LIMK1: variants seen among roughly 807,000 people sequenced by gnomAD.
The protein encoded by LIMK1 is LIM motif-containing protein kinase.
A neutral mutation model predicts 77.6 loss-of-function variants in LIMK1; 21 were observed. The observed-to-expected ratio is 0.27, with a 90% CI of 0.19 to 0.39. The LOEUF (loss-of-function observed/expected upper bound fraction) is 0.39, where lower values mean the gene tolerates loss of function less well. Among genes scored for constraint, LIMK1 ranks in the 10% least tolerant of loss-of-function variants. The pLI is 1.00. For synonymous variants in LIMK1, 358 were observed against 370.0 expected, an observed-to-expected ratio of 0.97 and a Z score of 0.37; for missense variants, 696 against 901.6, an observed-to-expected ratio of 0.77 and a Z score of 2.92.
chr7:74,102,509 A>T (rs1322798120), intron 5 of LIMK1, among the ~76,000 whole-genome samples: 1 of 10,244 alleles, frequency 9.8e-5, no homozygotes. Flanking sequence ...TTTTGGAGAC[A>T]GGGTATCACT....
chr7:74,120,531 AT>A, intron 13 of LIMK1, 51 bp from the exon 14 acceptor site: 1 of 1,603,010 alleles, frequency 6.2e-7, no homozygotes, highest in South Asian at 1.1e-5. Flanking sequence ...GCCTTTTGGC[AT>A]CCCTGGCACC....
intron 5 of LIMK1, among the ~76,000 whole-genome samples, chr7:74,102,484 C>CTTTTTTTTTGTTTTTTTTTTTTTTTT (rs1799482861): frequency 1.9e-5 from 1 of 54,042 alleles, no homozygotes; most frequent in Non-Finnish European, 3.5e-5. Context: ...AGGACCTTCT[C>CTTTTTTTTTGTTTTTTTTTTTTTTTT]TTTTTTTTTT....
At chr7:74,106,854 A>T (rs1799584470) in intron 7 of LIMK1, among the ~76,000 whole-genome samples, 156 bp from the exon 8 acceptor site, 1 of 152,238 alleles carries the variant, frequency 6.6e-6, no homozygotes, top group Non-Finnish European at 1.5e-5. Flanking sequence ...TGGGATGGGC[A>T]GCCTTTGGAC....
intron 2 of LIMK1, among the ~76,000 whole-genome samples, chr7:74,094,710 C>A (rs1465375053): frequency 6.6e-6 from 1 of 152,104 alleles, no homozygotes; most frequent in Admixed American, 6.5e-5. Context: ...GTAGACCACC[C>A]CCCTCACCAA....
chr7:74,101,285 A>G (rs1321013697), intron 5 of LIMK1, among the ~76,000 whole-genome samples: 3 of 152,224 alleles, frequency 2.0e-5, no homozygotes, highest in Non-Finnish European at 4.4e-5. Context: ...CAGAGGGCCA[A>G]GGGAGGTCCC....
chr7:74,105,016 C>G (rs1382575546), intron 5 of LIMK1, among the ~76,000 whole-genome samples: 1 of 152,146 alleles, frequency 6.6e-6, no homozygotes, highest in African/African-American at 2.4e-5. Context: ...AGTGCAGTGG[C>G]AGAATCTTGA....
chr7:74,094,736 C>T (rs1554695306), intron 2 of LIMK1, among the ~76,000 whole-genome samples: 3 of 152,102 alleles, frequency 2.0e-5, no homozygotes, highest in African/African-American at 7.2e-5. Flanking sequence ...GTCCTCCGCC[C>T]CACCCCCGCG....
At position 74,101,089 on chromosome 7, in the gene LIMK1, C is replaced by T. The variant is rs935567096; in HGVS notation, c.608+1851C>T. ...CAGTGAATGTTTCTTGTACACCTGG[C>T]AGGTGCCTGGCACTGCATAGGCACT... On this transcript the variant is annotated intron_variant, in intron 5 of 15. Coordinates refer to ENST00000336180, the MANE Select transcript of LIMK1 (RefSeq NM_002314.4). Among the ~76,000 whole-genome samples, 16 of 152,218 alleles carry T rather than the reference C, an allele frequency of 1.1e-4. 1 individual carries two copies. Among genetic ancestry groups the T allele is most frequent in the Middle Eastern group, 6.3e-3 (2 of 316 alleles).
chr7:74,088,098 C>A (rs1184615018), intron 2 of LIMK1, among the ~76,000 whole-genome samples: 3 of 152,126 alleles, frequency 2.0e-5, no homozygotes, highest in Admixed American at 2.0e-4. Context: ...TTAGGAATAA[C>A]GTCTAACGTT....
chr7:74,089,907 T>G (rs1554694553), intron 2 of LIMK1, among the ~76,000 whole-genome samples: 1 of 151,786 alleles, frequency 6.6e-6, no homozygotes, highest in African/African-American at 2.4e-5. Context: ...CCTTGGGTGA[T>G]GGAGAGAGGG....
Position 74,112,010 on chromosome 7 carries a change from G to A in LIMK1, c.1410+12G>A, listed in dbSNP as rs782442079. The stretch of plus-strand genomic sequence containing the variant: ...GCCTGGTCCGCGAGGTGAGTACCAG[G>A]GCCCCACGTGGCTGGGTGTCAGGAG... On this transcript the variant is annotated intron_variant, in intron 12 of 15. Transcript: ENST00000336180. 2.5e-6 allele frequency: 4 copies of A among 1,590,708 alleles called. 1 individual carries two copies. In the South Asian group the frequency reaches 4.5e-5, roughly 18 times the overall value.
At chr7:74,104,790 C>T (rs1799534389) in intron 5 of LIMK1, among the ~76,000 whole-genome samples, 1 of 152,162 alleles carries the variant, frequency 6.6e-6, no homozygotes, top group Non-Finnish European at 1.5e-5. Flanking sequence ...GGCAAGCTGC[C>T]AGCTCCCTCC....
At chr7:74,092,257 C>G (rs149555715) in intron 2 of LIMK1, among the ~76,000 whole-genome samples, 1 of 152,288 alleles carries the variant, frequency 6.6e-6, no homozygotes, top group East Asian at 1.9e-4. Flanking sequence ...TGAGCCACTG[C>G]GCACAGGCAG....
intron 2 of LIMK1, among the ~76,000 whole-genome samples, chr7:74,086,540 G>T (rs1220005193): frequency 6.6e-6 from 1 of 151,940 alleles, no homozygotes. Flanking sequence ...TTTAAATTTT[G>T]TGTAAAGACA....
At chr7:74,089,032 A>T (rs1390105983) in intron 2 of LIMK1, among the ~76,000 whole-genome samples, 2 of 152,150 alleles carry the variant, frequency 1.3e-5, no homozygotes, top group Non-Finnish European at 2.9e-5. Flanking sequence ...TATTTGTCAT[A>T]TTGGCTACCA....
intron 2 of LIMK1, among the ~76,000 whole-genome samples, chr7:74,088,834 C>T (rs1019311927): frequency 2.0e-5 from 3 of 148,562 alleles, no homozygotes; most frequent in Non-Finnish European, 4.5e-5. Context: ...AGAAGGGAGT[C>T]GGCAGAAAGC....
Position 74,096,641 on chromosome 7 carries a change from T to TCC in LIMK1, c.174_175dup (p.Leu59ProfsTer45). The TCC allele has an allele frequency of 6.2e-7, 1 of 1,614,020 alleles. No homozygotes were observed. The highest frequency in any genetic ancestry group is 2.2e-5 in the East Asian group (1 of 44,856). On this transcript the variant is annotated frameshift_variant, in exon 3 of 16. Coordinates refer to ENST00000336180, the MANE Select transcript of LIMK1 (RefSeq NM_002314.4). LOFTEE classifies it high-confidence loss of function. ...CTGCAGGTGTTGTGACTGCAGTGCC[T>TCC]CCCTGTCGCACCAGTACTATGAGAA...
chr7:74,088,685 C>T (rs1799181716), intron 2 of LIMK1, among the ~76,000 whole-genome samples: 1 of 151,220 alleles, frequency 6.6e-6, no homozygotes, highest in South Asian at 2.1e-4. Context: ...GACTGTAATC[C>T]AAGCTACTCG....
chr7:74,102,277 C>T (rs1320733154), intron 5 of LIMK1, among the ~76,000 whole-genome samples: 1 of 151,848 alleles, frequency 6.6e-6, no homozygotes, highest in African/African-American at 2.4e-5. Context: ...CCAAGGTTCA[C>T]CAATTCGTAA....
Sources: allele counts gnomAD v4.1 joint callset (sites outside exome capture counted in the v4.1 genomes callset), GRCh38; gene constraint gnomAD v4.1.1; transcripts MANE v1.5; gene names NCBI Gene and HGNC (gene_info 2026-07-23, HGNC 2026-07-21).